Variants in REV3L observed in about 807,000 individuals in gnomAD.
REV3L encodes DNA polymerase zeta catalytic subunit.
Under a neutral mutation model 299.4 loss-of-function variants are expected in REV3L, and 69 were observed. The ratio of observed to expected loss-of-function variants is 0.23; its 90% CI spans 0.19 to 0.28. The LOEUF is 0.28. REV3L is among the 10% of genes least tolerant of loss of function. The pLI, the probability that REV3L is intolerant of heterozygous loss-of-function variation, is 1.00. For missense variants in REV3L, 3,128 were observed against 3,693.8 expected (o/e 0.85, Z 3.97); for synonymous variants, 1,238 against 1,271.4 (o/e 0.97, Z 0.56).
In REV3L at chr6:111,422,661, TACATATATATATATATAC is replaced by T. The variant is rs1562287866; in HGVS notation, c.140-6207_140-6190del. On this transcript the variant is annotated intron_variant, in intron 1 of 31. Transcript: ENST00000368802. ...ATATATATATATACATATATATATA[TACATATATATATATATAC>T]GTATATATATATATATATATATTTC... Among the ~76,000 whole-genome samples, 31 of 52,380 alleles carry T rather than the reference TACATATATATATATATAC, an allele frequency of 5.9e-4. 2 individuals are homozygous for T. The highest frequency in any genetic ancestry group is 1.5e-3 in the African/African-American group (28 of 19,208). The allele number at this position is 52,380 out of a possible 152,430, so 34.4% of individuals were successfully genotyped here.
At chr6:111,465,263 T>C (rs1583092166) in intron 1 of REV3L, among the ~76,000 whole-genome samples, 1 of 151,212 alleles carries the variant, frequency 6.6e-6, no homozygotes, top group East Asian at 2.1e-4. Flanking sequence ...GTACTTTTAG[T>C]AGAGACGGGG....
rs1410357925 is a variant in REV3L, at chr6:111,373,247, T to A, written c.5108A>T (p.Lys1703Ile). The change falls in exon 13 of 32, where the codon AAA becomes ATA. Residue 1703 changes from lysine (K) to isoleucine (I), a missense_variant. This residue lies in a region of REV3L where 2,409 missense variants were observed against 2,611.8 expected (regional missense o/e 0.92). Coordinates refer to ENST00000368802, the MANE Select transcript of REV3L (RefSeq NM_001372078.1). ...GGTATGATGCTTGTCTTCATCACAT[T>A]TCTGGTTGTCATGACTTAAAAACTC... ...KNEFLSHDNQ[K>I]CDEDKHHTTD... is the part of the protein sequence containing the mutation. 26 of 1,613,968 alleles carry A rather than the reference T, an allele frequency of 1.6e-5. No individual in the cohort carries two copies. The highest frequency in any genetic ancestry group is 2.2e-5 in the Non-Finnish European group (26 of 1,180,016).
At chr6:111,368,452 T>C (rs1243338841) in intron 13 of REV3L, among the ~76,000 whole-genome samples, 1 of 152,224 alleles carries the variant, frequency 6.6e-6, no homozygotes, top group East Asian at 1.9e-4. Context: ...AGCTTCTTCC[T>C]ATATTCTCCA....
intron 4 of REV3L, among the ~76,000 whole-genome samples, chr6:111,403,947 C>A (rs558538109): frequency 2.0e-5 from 3 of 152,278 alleles, no homozygotes; most frequent in African/African-American, 7.2e-5. Flanking sequence ...AGCCTTACTG[C>A]AGATAGGTGA....
intron 1 of REV3L, among the ~76,000 whole-genome samples, chr6:111,459,999 A>G (rs146812408): frequency 3.8e-4 from 58 of 152,308 alleles, no homozygotes; most frequent in African/African-American, 1.3e-3. Context: ...TCACAACAGC[A>G]AAGACATGGA....
intron 6 of REV3L, among the ~76,000 whole-genome samples, chr6:111,389,881 CGT>C (rs1781734118): frequency 6.6e-6 from 1 of 151,694 alleles, no homozygotes; most frequent in African/African-American, 2.4e-5. Flanking sequence ...GGACTACAGA[CGT>C]GTGCCACCAC....
chr6:111,327,972 A>G (rs960715198), intron 25 of REV3L, among the ~76,000 whole-genome samples: 2 of 152,180 alleles, frequency 1.3e-5, no homozygotes, highest in African/African-American at 4.8e-5. Flanking sequence ...AACTAATGCA[A>G]ATATGATATA....
upstream of REV3L, chr6:111,483,411 G>A: frequency 2.3e-6 from 1 of 435,006 alleles, no homozygotes; most frequent in South Asian, 3.3e-5. Flanking sequence ...CCGGCGGCCG[G>A]CAGCGCCCGC....
At chr6:111,413,800 T>C (rs1784497158) in intron 2 of REV3L, among the ~76,000 whole-genome samples, 1 of 152,072 alleles carries the variant, frequency 6.6e-6, no homozygotes, top group Non-Finnish European at 1.5e-5. Flanking sequence ...CTCAAAAATG[T>C]GGCAATGTCT....
At chr6:111,365,089 CA>C (rs202012028) in intron 15 of REV3L, among the ~76,000 whole-genome samples, 175 bp downstream of exon 15, 11 of 144,128 alleles carry the variant, frequency 7.6e-5, no homozygotes, top group Non-Finnish European at 7.6e-5. Flanking sequence ...ATCCCAACAT[CA>C]AAAAAAAAAC....
intron 4 of REV3L, among the ~76,000 whole-genome samples, chr6:111,397,222 T>C (rs1782605645): frequency 6.6e-6 from 1 of 151,784 alleles, no homozygotes; most frequent in Admixed American, 6.6e-5. Context: ...ATTTGAAATC[T>C]TTTTTTTGAT....
At position 111,376,231 on chromosome 6, in the gene REV3L, G is replaced by T; in HGVS notation, c.2124C>A (p.Asn708Lys). 6.2e-7 allele frequency: 1 copy of T among 1,613,592 alleles called. No homozygotes were observed. ...TTTTTGAATGATTTAAGTCAGAAAA[G>T]TTGAAAGAATTTTTGCCCAATGTAT... ...NENTLGKNSF[N>K]FSDLNHSKNK... is the part of the protein sequence containing the mutation. The change falls in exon 13 of 32, where the codon AAC becomes AAA. Residue 708 changes from asparagine to lysine, a missense_variant. Asn to Lys is a moderately conservative substitution (Grantham distance 94). Around this residue, in one of 9 missense-constraint regions of REV3L, gnomAD observed 2,409 missense variants for 2,611.8 expected, o/e 0.92. Transcript: ENST00000368802.
At chr6:111,399,859 G>T (rs1782910157) in intron 4 of REV3L, among the ~76,000 whole-genome samples, 1 of 152,088 alleles carries the variant, frequency 6.6e-6, no homozygotes, top group Non-Finnish European at 1.5e-5. Context: ...ACCAACCCAG[G>T]ACTGTACAGA....
chr6:111,392,768 A>C (rs1398889461), intron 5 of REV3L, 108 bp downstream of exon 5: 1 of 668,894 alleles, frequency 1.5e-6, no homozygotes, highest in Non-Finnish European at 2.6e-6. Flanking sequence ...TATAGATTAA[A>C]AAGATCCAAT....
chr6:111,335,710 G>A (rs746350295), intron 21 of REV3L, 100 bp from the exon 22 acceptor site: 11 of 1,191,070 alleles, frequency 9.2e-6, no homozygotes, highest in Admixed American at 2.7e-5. Flanking sequence ...TAAAAGTGAG[G>A]TTACTTAAGG....
chr6:111,373,016 C>T lies in REV3L; in HGVS notation c.5339G>A (p.Ser1780Asn). The T allele has an allele frequency of 1.2e-6, 2 of 1,614,158 alleles. No homozygotes were observed. Among genetic ancestry groups the T allele is most frequent in the Non-Finnish European group, 1.7e-6 (2 of 1,180,018 alleles). The change falls in exon 13 of 32, where the codon AGT becomes AAT. Residue 1780 changes from serine (S) to asparagine (N), a missense_variant. Coordinates refer to ENST00000368802, the MANE Select transcript of REV3L (RefSeq NM_001372078.1). ...AAGAAACACTTCTTTGCTTACTGAA[C>T]TCCTATTCAATCTAGATTTTTCACT... The part of the protein sequence containing the change: ...CLSEKSRLNR[S>N]SVSKEVFLSL...
intron 3 of REV3L, among the ~76,000 whole-genome samples, chr6:111,405,904 T>A (rs966547169): frequency 6.6e-6 from 1 of 152,164 alleles, no homozygotes; most frequent in Admixed American, 6.5e-5. Context: ...AAAAGGTTTT[T>A]AAAATAAAAT....
intron 31 of REV3L, among the ~76,000 whole-genome samples, chr6:111,304,627 T>C (rs79948044): frequency 6.6e-6 from 1 of 151,880 alleles, no homozygotes; most frequent in Admixed American, 6.6e-5. Flanking sequence ...TTTTTTTTTT[T>C]TTCGATCCAA....
At chr6:111,342,061 A>G (rs1167968108) in intron 21 of REV3L, among the ~76,000 whole-genome samples, 1 of 152,226 alleles carries the variant, frequency 6.6e-6, no homozygotes, top group African/African-American at 2.4e-5. Flanking sequence ...ATATGTACAG[A>G]CGACAGAGTT....
Sources: gnomAD v4.1 joint callset for allele counts (sites outside exome capture counted in the v4.1 genomes callset) on GRCh38, gnomAD v4.1.1 for gene constraint, gnomAD v4.1.1 regional missense constraint, MANE v1.5 for transcripts, NCBI Gene and HGNC (gene_info 2026-07-23, HGNC 2026-07-21) for gene names.